Variants in PRKG1 observed in about 807,000 individuals in gnomAD.
PRKG1 encodes the protein protein kinase cGMP-dependent 1.
PRKG1 carries 35 observed loss-of-function variants against 88.1 expected under a neutral mutation model. That is an observed-to-expected ratio of 0.40 (90% CI 0.30 to 0.53). The LOEUF is 0.53. Among genes scored for constraint, PRKG1 ranks in the 20% least tolerant of loss-of-function variants. The probability of loss-of-function intolerance (pLI) is 0.59; values close to 1 mark genes in which losing one functional copy is unlikely to be tolerated. For missense variants in PRKG1, 540 were observed against 839.8 expected (o/e 0.64, Z 4.41); for synonymous variants, 303 against 292.5 (o/e 1.04, Z -0.37).
chr10:51,675,878 T>C (rs778779710), intron 3 of PRKG1, among the ~76,000 whole-genome samples: 2 of 152,152 alleles, frequency 1.3e-5, no homozygotes, highest in Non-Finnish European at 2.9e-5. Flanking sequence ...CTTCATCTTC[T>C]CTGAAATCCT....
intron 8 of PRKG1, among the ~76,000 whole-genome samples, chr10:52,138,333 C>G (rs533798330): frequency 6.6e-6 from 1 of 152,266 alleles, no homozygotes; most frequent in South Asian, 2.1e-4. Context: ...TCTTTCCTTT[C>G]ACCTCTGATA....
At chr10:51,969,691 G>A (rs2169681) in intron 5 of PRKG1, among the ~76,000 whole-genome samples, 103,701 of 151,676 alleles carry the variant, frequency 0.68, 36,453 homozygotes, top group Non-Finnish European at 0.75. Context: ...AGAGAAATGA[G>A]AAAGGCAAAT....
At chr10:51,841,222 G>A (rs1041526912) in intron 4 of PRKG1, among the ~76,000 whole-genome samples, 3 of 152,176 alleles carry the variant, frequency 2.0e-5, no homozygotes, top group Non-Finnish European at 2.9e-5. Flanking sequence ...AGTGATTCCT[G>A]TGTGATTTAG....
At chr10:51,345,020 T>A (rs1037335508) in intron 2 of PRKG1, among the ~76,000 whole-genome samples, 5 of 152,168 alleles carry the variant, frequency 3.3e-5, no homozygotes, top group Admixed American at 1.3e-4. Context: ...ATAGGTGCAC[T>A]AATTAGTCTA....
At chr10:51,863,957 C>T (rs1198021736) in intron 4 of PRKG1, among the ~76,000 whole-genome samples, 1 of 152,170 alleles carries the variant, frequency 6.6e-6, no homozygotes, top group African/African-American at 2.4e-5. Context: ...GGAGGAGACT[C>T]ACTTGTCCAC....
chr10:51,564,710 A>T (rs28562588), intron 3 of PRKG1, among the ~76,000 whole-genome samples: 10,554 of 152,184 alleles, frequency 0.069, 1,193 homozygotes, highest in African/African-American at 0.24. Context: ...GAATTTGACA[A>T]GAATATTCAA....
intron 3 of PRKG1, among the ~76,000 whole-genome samples, chr10:51,596,528 TC>T (rs764252839): frequency 5.0e-4 from 76 of 152,162 alleles, no homozygotes; most frequent in Non-Finnish European, 9.1e-4. Context: ...AAATTCTGCC[TC>T]CCTTTTTTTC....
chr10:51,327,371 C>T (rs1841618819), intron 2 of PRKG1, among the ~76,000 whole-genome samples: 1 of 148,926 alleles, frequency 6.7e-6, no homozygotes, highest in Admixed American at 6.8e-5. Flanking sequence ...GAGCCAGGAT[C>T]GCACCACTGT....
chr10:51,302,579 G>C (rs1210064789), intron 2 of PRKG1: 1 of 147,794 alleles, frequency 6.8e-6, no homozygotes, highest in Admixed American at 6.7e-5. Context: ...TTAACGAGCA[G>C]ATATTTATAA....
chr10:51,399,127 G>A (rs1837661118), intron 2 of PRKG1, among the ~76,000 whole-genome samples: 1 of 151,530 alleles, frequency 6.6e-6, no homozygotes. Flanking sequence ...TAAGATATAT[G>A]TATACATATA....
intron 4 of PRKG1, among the ~76,000 whole-genome samples, chr10:51,894,397 C>A (rs1389098206): frequency 6.6e-6 from 1 of 152,114 alleles, no homozygotes; most frequent in African/African-American, 2.4e-5. Flanking sequence ...TAGTGGTTGA[C>A]AGGGGCTAGT....
intron 3 of PRKG1, among the ~76,000 whole-genome samples, chr10:51,694,864 T>C (rs985781511): frequency 2.0e-5 from 3 of 152,236 alleles, no homozygotes; most frequent in Non-Finnish European, 2.9e-5. Context: ...TACATCAATA[T>C]TGGAATGTTC....
At chr10:52,180,659 T>A (rs149028476) in intron 9 of PRKG1, among the ~76,000 whole-genome samples, 1 of 152,218 alleles carries the variant, frequency 6.6e-6, no homozygotes, top group African/African-American at 2.4e-5. Flanking sequence ...GCTAGTGATG[T>A]TCGCTAGTAT....
At chr10:51,388,887 A>G (rs1837323681) in intron 2 of PRKG1, among the ~76,000 whole-genome samples, 2 of 152,224 alleles carry the variant, frequency 1.3e-5, no homozygotes, top group Non-Finnish European at 2.9e-5. Flanking sequence ...TAACAGAAAT[A>G]CATTTGCAAT....
intron 9 of PRKG1, among the ~76,000 whole-genome samples, chr10:52,170,895 G>A (rs920396014): frequency 1.3e-5 from 2 of 152,140 alleles, no homozygotes; most frequent in African/African-American, 4.8e-5. Context: ...CTTTCAGACA[G>A]AACGGCTGCT....
At chr10:51,712,602 T>G (rs1236619110) in intron 3 of PRKG1, among the ~76,000 whole-genome samples, 2 of 140,382 alleles carry the variant, frequency 1.4e-5, no homozygotes, top group Non-Finnish European at 3.1e-5. Context: ...TTTTTTTTTT[T>G]TTTTTGAGAC....
At chr10:51,180,360 A>G (rs537247643) in intron 2 of PRKG1, among the ~76,000 whole-genome samples, 1 of 152,284 alleles carries the variant, frequency 6.6e-6, no homozygotes, top group East Asian at 1.9e-4. Flanking sequence ...AAAGGCAAAA[A>G]TAGTTAAGTA....
intron 5 of PRKG1, among the ~76,000 whole-genome samples, chr10:52,015,658 A>G (rs1845020551): frequency 6.6e-6 from 1 of 152,234 alleles, no homozygotes. Flanking sequence ...CAAATTTTTC[A>G]AACCTTTATG....
chr10:51,364,133 G>A (rs916812745), intron 2 of PRKG1, among the ~76,000 whole-genome samples: 50 of 152,052 alleles, frequency 3.3e-4, no homozygotes, highest in Middle Eastern at 6.8e-3. Context: ...AGATGGCTAA[G>A]GGGAAAATAT....
Sources: gnomAD v4.1 joint callset for allele counts (sites outside exome capture counted in the v4.1 genomes callset) on GRCh38, gnomAD v4.1.1 for gene constraint, MANE v1.5 for transcripts, NCBI Gene and HGNC (gene_info 2026-07-23, HGNC 2026-07-21) for gene names.